CRLF3: variants seen among roughly 807,000 people sequenced by gnomAD.
CRLF3 encodes cytokine receptor-like factor 3.
In CRLF3, 33 loss-of-function variants were observed where a neutral mutation model predicts 55.0. The ratio of observed to expected loss-of-function variants is 0.60; its 90% CI spans 0.46 to 0.80. CRLF3 has a LOEUF of 0.80. Ranked by LOEUF, CRLF3 falls within the 30% of genes least tolerant of loss-of-function variation. The probability of loss-of-function intolerance (pLI) is 0.00; values close to 1 mark genes in which losing one functional copy is unlikely to be tolerated. For synonymous variants in CRLF3, 238 were observed against 196.8 expected, an observed-to-expected ratio of 1.21 and a Z score of -1.75; for missense variants, 494 against 538.4, an observed-to-expected ratio of 0.92 and a Z score of 0.82.
chr17:30,788,639 A>C lies in CRLF3; in HGVS notation c.960-2608T>G, dbSNP rs373959849. Among the ~76,000 whole-genome samples, 13 of 113,882 alleles carry C rather than the reference A, an allele frequency of 1.1e-4. 1 individual carries two copies. The highest frequency in any genetic ancestry group is 3.7e-4 in the African/African-American group (10 of 27,324). The allele number at this position is 113,882 out of a possible 152,430, so 74.7% of individuals were successfully genotyped here. ...TTTTTTTTTTTTGAGACAGCATCTCACTCTGTTGCCCCGGCTAGAGTACAG... is the reference window on the plus strand; with the variant it reads ...TTTTTTTTTTTTGAGACAGCATCTCCCTCTGTTGCCCCGGCTAGAGTACAG... On this transcript the variant is annotated intron_variant, in intron 6 of 7. Transcript: ENST00000324238.
At chr17:30,807,347 TTCTA>T (rs1467288027) in intron 1 of CRLF3, among the ~76,000 whole-genome samples, 1 of 151,738 alleles carries the variant, frequency 6.6e-6, no homozygotes, top group Non-Finnish European at 1.5e-5. Flanking sequence ...TTTAAAAACT[TTCTA>T]TTTATTCTCT....
At chr17:30,805,434 G>A (rs1904366544) in intron 1 of CRLF3, among the ~76,000 whole-genome samples, 1 of 152,122 alleles carries the variant, frequency 6.6e-6, no homozygotes, top group Non-Finnish European at 1.5e-5. Context: ...GCTATGGTCA[G>A]CTGGGCATGG....
At chr17:30,797,757 T>A (rs555735281) in intron 2 of CRLF3, among the ~76,000 whole-genome samples, 1 of 149,404 alleles carries the variant, frequency 6.7e-6, no homozygotes, top group East Asian at 2.0e-4. Context: ...CCCTGAGAGG[T>A]GCAACAGGGG....
intron 5 of CRLF3, 153 bp from the exon 6 acceptor site, chr17:30,792,725 G>A: frequency 3.5e-6 from 2 of 576,910 alleles, no homozygotes; most frequent in Non-Finnish European, 5.9e-6. Flanking sequence ...AGGGTATCAT[G>A]ATCAGTCCCA....
At chr17:30,788,186 G>T (rs1286451094) in intron 6 of CRLF3, among the ~76,000 whole-genome samples, 4 of 151,334 alleles carry the variant, frequency 2.6e-5, no homozygotes, top group Non-Finnish European at 5.9e-5. Context: ...AAATTAGCCG[G>T]GCGTGGTAGC....
chr17:30,795,762 C>T (rs1463649283), intron 4 of CRLF3, among the ~76,000 whole-genome samples: 1 of 151,996 alleles, frequency 6.6e-6, no homozygotes, highest in African/African-American at 2.4e-5. Flanking sequence ...ATGGTGAAAC[C>T]TCGTCTCTAC....
intron 4 of CRLF3, among the ~76,000 whole-genome samples, chr17:30,794,803 C>A (rs545496430): frequency 6.6e-6 from 1 of 151,932 alleles, no homozygotes; most frequent in South Asian, 2.1e-4. Context: ...CAAAAACAAA[C>A]AAATAAATAA....
rs200331198 is a variant in CRLF3 at position 30,824,486 on chromosome 17, C to A, written c.129+37G>T. The A allele has an allele frequency of 1.9e-6, 3 of 1,557,118 alleles. No individual in the cohort carries two copies. In the East Asian group the frequency reaches 7.2e-5, roughly 37 times the overall value. On this transcript the variant is annotated intron_variant, in intron 1 of 7. Coordinates refer to ENST00000324238, the MANE Select transcript of CRLF3 (RefSeq NM_015986.4). ...CTTCGCCCGGCATCCGCGCCACCCC[C>A]GGGCCCACAGCGCCCCTGTGGGTGT... is the stretch of plus-strand genomic sequence containing the variant.
In CRLF3 at chr17:30,816,545, A is replaced by C. The variant is rs1383099510; in HGVS notation, c.129+7978T>G. On this transcript the variant is annotated intron_variant, in intron 1 of 7. Coordinates refer to ENST00000324238, the MANE Select transcript of CRLF3 (RefSeq NM_015986.4). The stretch of plus-strand genomic sequence containing the variant: ...AGTTCTGTTGTCGAGGCTGGAGTAC[A>C]GTGGTGTGATCATGGCTTACTGCAC... 2.1e-5 allele frequency among the ~76,000 whole-genome samples: 3 copies of C among 140,978 alleles called. No individual in the cohort carries two copies. In the Admixed American group the frequency reaches 2.3e-4, roughly 11 times the overall value. The allele number at this position is 140,978 out of a possible 152,430, so 92.5% of individuals were successfully genotyped here.
At chr17:30,812,840 A>G (rs1904665711) in intron 1 of CRLF3, among the ~76,000 whole-genome samples, 2 of 152,156 alleles carry the variant, frequency 1.3e-5, no homozygotes, top group Admixed American at 1.3e-4. Flanking sequence ...TCTGGAGAGG[A>G]CAAGGGGAAA....
intron 1 of CRLF3, among the ~76,000 whole-genome samples, chr17:30,817,706 G>A (rs1904848770): frequency 1.3e-5 from 2 of 151,280 alleles, no homozygotes; most frequent in African/African-American, 2.4e-5. Context: ...AACAGATGGA[G>A]ACCATCCTGG....
intron 1 of CRLF3, among the ~76,000 whole-genome samples, chr17:30,819,514 G>A (rs1904922450): frequency 6.6e-6 from 1 of 152,166 alleles, no homozygotes; most frequent in African/African-American, 2.4e-5. Flanking sequence ...GTCTCGCTCT[G>A]TCGCCCAGGC....
intron 1 of CRLF3, among the ~76,000 whole-genome samples, chr17:30,814,383 G>C (rs1376883392): frequency 6.6e-6 from 1 of 152,232 alleles, no homozygotes; most frequent in Non-Finnish European, 1.5e-5. Flanking sequence ...GCCAGGAGCA[G>C]TGTCTCATGC....
intron 3 of CRLF3, among the ~76,000 whole-genome samples, chr17:30,796,827 G>A (rs1188315932): frequency 6.6e-6 from 1 of 151,002 alleles, no homozygotes; most frequent in African/African-American, 2.4e-5. Flanking sequence ...CGATTCAAGC[G>A]ACTCTCTTGC....
chr17:30,803,749 A>G (rs996386276), intron 2 of CRLF3, 152 bp downstream of exon 2: 2 of 670,186 alleles, frequency 3.0e-6, no homozygotes, highest in Non-Finnish European at 2.6e-6. Flanking sequence ...TGTGCCTTTC[A>G]CCTGCCATGA....
intron 1 of CRLF3, among the ~76,000 whole-genome samples, chr17:30,823,165 C>T (rs1022333528): frequency 6.6e-5 from 10 of 151,906 alleles, no homozygotes; most frequent in East Asian, 1.9e-4. Context: ...AGTTCAAGAT[C>T]ATCCTGGCCA....
In CRLF3 at chr17:30,807,517, CTTTTTTTTTTTTTTTTTTT is replaced by C. The variant is rs778842582; in HGVS notation, c.130-3428_130-3410del. Among the ~76,000 whole-genome samples the C allele has an allele frequency of 1.2e-3, 73 of 62,972 alleles. 2 individuals carry two copies. Among genetic ancestry groups the C allele is most frequent in the Non-Finnish European group, 1.8e-3 (62 of 34,712 alleles). 41.3% of individuals were successfully genotyped at this position (62,972 alleles called of 152,430 possible). A position where few individuals can be genotyped will look rare whatever the true frequency, so the allele number is the denominator to read the frequency against. On this transcript the variant is annotated intron_variant, in intron 1 of 7. Coordinates refer to ENST00000324238, the MANE Select transcript of CRLF3 (RefSeq NM_015986.4). ...CAGACCATAGAAACAATTTTCTTTCCTTTTTTTTTTTTTTTTTTTTTTTTTTTTTTTTGACACAGAGTTT... is the reference window on the plus strand; with the variant it reads ...CAGACCATAGAAACAATTTTCTTTCCTTTTTTTTTTTTTGACACAGAGTTT...
rs1341663016 is a variant in CRLF3 at position 30,797,304 on chromosome 17, CTT to C, written c.425+5_425+6del. On this transcript the variant is annotated splice_donor_5th_base_variant and intron_variant, in intron 3 of 7. Coordinates refer to ENST00000324238, the MANE Select transcript of CRLF3 (RefSeq NM_015986.4). ...AAAGTAAGTCAAAAAGGCACAAACT[CTT>C]TTACCTGTCCAACTGAATGTGCGAG... The C allele has an allele frequency of 1.2e-6, 2 of 1,605,716 alleles. No homozygotes were observed. The highest frequency in any genetic ancestry group is 1.1e-5 in the South Asian group (1 of 90,940).
intron 6 of CRLF3, among the ~76,000 whole-genome samples, chr17:30,790,415 AAAG>A (rs1298325634): frequency 2.0e-5 from 3 of 152,130 alleles, no homozygotes; most frequent in Non-Finnish European, 4.4e-5. Flanking sequence ...AAACAAGAAA[AAAG>A]AAACTTTTCC....
Sources: gnomAD v4.1 joint callset for allele counts (sites outside exome capture counted in the v4.1 genomes callset) on GRCh38, gnomAD v4.1.1 for gene constraint, MANE v1.5 for transcripts, NCBI Gene and HGNC (gene_info 2026-07-23, HGNC 2026-07-21) for gene names.